ZNRF1: variants seen among roughly 807,000 people sequenced by gnomAD.
The protein encoded by ZNRF1 is E3 ubiquitin-protein ligase ZNRF1.
In ZNRF1, 3 loss-of-function variants were observed where a neutral mutation model predicts 18.4. That is an observed-to-expected ratio of 0.16 (90% confidence interval 0.07 to 0.42). The LOEUF is 0.42. Ranked by LOEUF, ZNRF1 falls within the 10% of genes least tolerant of loss-of-function variation. The pLI is 0.99. For synonymous variants in ZNRF1, 157 were observed against 144.2 expected (o/e 1.09, Z -0.64); for missense variants, 310 against 329.8 (o/e 0.94, Z 0.47).
chr16:75,054,219 C>G (rs1406190189), intron 1 of ZNRF1, among the ~76,000 whole-genome samples: 1 of 152,172 alleles, frequency 6.6e-6, no homozygotes, highest in Non-Finnish European at 1.5e-5. Context: ...GTGGGAAGGA[C>G]CTTAACTGTG....
In ZNRF1 at chr16:75,015,324, G is replaced by A. The variant is rs1287318674; in HGVS notation, c.424+15229G>A. Among the ~76,000 whole-genome samples the A allele has an allele frequency of 2.6e-5, 4 of 152,180 alleles. No homozygotes were observed. The South Asian group carries it at 6.2e-4, about 24-fold the overall frequency. On this transcript the variant is annotated intron_variant, in intron 1 of 4. Coordinates refer to ENST00000335325, the MANE Select transcript of ZNRF1 (RefSeq NM_032268.5). ...TAAAAAAAAGGTTTATTGGCCGGGC[G>A]AGGTAGCTCATGCCTGTAATCCCAG... is the stretch of plus-strand genomic sequence containing the variant.
At chr16:75,098,556 A>G (rs534918446) in intron 2 of ZNRF1, among the ~76,000 whole-genome samples, 7 of 152,230 alleles carry the variant, frequency 4.6e-5, no homozygotes, top group Non-Finnish European at 1.0e-4. Flanking sequence ...AAGGCCTGGC[A>G]TGGGTGGCAC....
chr16:75,107,391 T>A (rs2145433967), intron 4 of ZNRF1: 1 of 208,880 alleles, frequency 4.8e-6, no homozygotes, highest in Admixed American at 5.3e-5. Flanking sequence ...CCTCCCTTTC[T>A]CTCTCTCTTG....
chr16:75,093,667 G>A lies in ZNRF1; in HGVS notation c.520G>A (p.Asp174Asn). 2 of 1,613,246 alleles carry A rather than the reference G, an allele frequency of 1.2e-6. No individual in the cohort carries two copies. The highest frequency in any genetic ancestry group is 1.7e-6 in the Non-Finnish European group (2 of 1,179,298). The change falls in exon 2 of 5, where the codon GAT becomes AAT. Residue 174 changes from aspartate to asparagine, a missense_variant and splice_region_variant. This residue lies in a region of ZNRF1 where 293 missense variants were observed against 291.2 expected (regional missense o/e 1.01). Coordinates refer to ENST00000335325, the MANE Select transcript of ZNRF1 (RefSeq NM_032268.5). Reference sequence around the variant, plus strand: ...GAGCAAACCTCGCCTCTCCTACAACGGTAAGGGCTTGGCCTGCCTCACCAG... The same window carrying A: ...GAGCAAACCTCGCCTCTCCTACAACAGTAAGGGCTTGGCCTGCCTCACCAG... The part of the protein sequence containing the change: ...CLSKPRLSYN[D>N]DVLTKDAGEC...
At chr16:75,090,584 G>A (rs1015622158) in intron 1 of ZNRF1, among the ~76,000 whole-genome samples, 6 of 152,084 alleles carry the variant, frequency 3.9e-5, no homozygotes, top group Admixed American at 1.3e-4. Context: ...GCCCTTTCCC[G>A]AAGCTCCACC....
chr16:75,096,538 C>G (rs147481874), intron 2 of ZNRF1, among the ~76,000 whole-genome samples: 2 of 152,106 alleles, frequency 1.3e-5, no homozygotes, highest in Non-Finnish European at 2.9e-5. Context: ...GGTGTGAGTT[C>G]TTGGAATCTT....
At chr16:75,023,609 G>A (rs1305052485) in intron 1 of ZNRF1, among the ~76,000 whole-genome samples, 1 of 151,970 alleles carries the variant, frequency 6.6e-6, no homozygotes, top group East Asian at 1.9e-4. Flanking sequence ...TCTTGAACCC[G>A]GGAGGTGGAG....
intron 1 of ZNRF1, among the ~76,000 whole-genome samples, chr16:75,083,622 G>A (rs12102802): frequency 0.02 from 3,013 of 152,272 alleles, 84 homozygotes; most frequent in African/African-American, 0.061. Flanking sequence ...AAAATGACAA[G>A]TGCCTAGATT....
chr16:75,014,044 C>T (rs997656241), intron 1 of ZNRF1, among the ~76,000 whole-genome samples: 14 of 151,694 alleles, frequency 9.2e-5, no homozygotes, highest in South Asian at 2.1e-4. Flanking sequence ...TTGGCCAGGC[C>T]GGTCTTGAAC....
chr16:75,071,909 A>G (rs2035875240), intron 1 of ZNRF1, among the ~76,000 whole-genome samples: 1 of 151,856 alleles, frequency 6.6e-6, no homozygotes, highest in African/African-American at 2.4e-5. Context: ...TCCTGCACCT[A>G]GGGTACCCCT....
intron 1 of ZNRF1, among the ~76,000 whole-genome samples, chr16:75,054,863 C>T (rs1160708543): frequency 3.3e-5 from 5 of 152,216 alleles, no homozygotes; most frequent in Non-Finnish European, 7.3e-5. Flanking sequence ...CATCCCAGCC[C>T]TTCTTGTCTC....
At chr16:75,072,283 T>C (rs897318405) in intron 1 of ZNRF1, among the ~76,000 whole-genome samples, 1 of 152,160 alleles carries the variant, frequency 6.6e-6, no homozygotes, top group African/African-American at 2.4e-5. Flanking sequence ...GCTTATCTTT[T>C]AGTCTCAGCC....
At chr16:75,093,815 G>T in intron 2 of ZNRF1, 148 bp downstream of exon 2, 1 of 628,550 alleles carries the variant, frequency 1.6e-6, no homozygotes, top group Non-Finnish European at 2.9e-6. Flanking sequence ...TGAGGAAGTG[G>T]ACTGTTCTGG....
intron 1 of ZNRF1, among the ~76,000 whole-genome samples, chr16:75,070,576 C>T (rs767868290): frequency 3.3e-4 from 50 of 152,134 alleles, no homozygotes; most frequent in Non-Finnish European, 6.2e-4. Flanking sequence ...CAAAGGAGTG[C>T]TTATATTACA....
intron 1 of ZNRF1, among the ~76,000 whole-genome samples, chr16:75,014,862 TTTTA>T (rs1201307852): frequency 5.9e-5 from 9 of 152,016 alleles, no homozygotes; most frequent in Non-Finnish European, 8.8e-5. Flanking sequence ...AATATTGTGA[TTTTA>T]TTTGTTATTT....
chr16:75,086,763 G>A (rs1320779690), intron 1 of ZNRF1, among the ~76,000 whole-genome samples: 6 of 152,186 alleles, frequency 3.9e-5, no homozygotes, highest in African/African-American at 1.4e-4. Flanking sequence ...AAGTCAAGGG[G>A]CACGCGCTCT....
intron 2 of ZNRF1, among the ~76,000 whole-genome samples, chr16:75,100,768 T>C (rs1439630826): frequency 6.6e-6 from 1 of 152,224 alleles, no homozygotes; most frequent in Non-Finnish European, 1.5e-5. Context: ...CTATAGCCCA[T>C]ACGCTCATGT....
chr16:75,010,810 A>G (rs1379537054), intron 1 of ZNRF1, among the ~76,000 whole-genome samples: 2 of 144,914 alleles, frequency 1.4e-5, no homozygotes, highest in African/African-American at 5.1e-5. Flanking sequence ...TCCTGGGCTC[A>G]AGCAATTCTC....
intron 1 of ZNRF1, among the ~76,000 whole-genome samples, chr16:75,060,369 G>T (rs1460643798): frequency 6.6e-6 from 1 of 151,518 alleles, no homozygotes; most frequent in Non-Finnish European, 1.5e-5. Flanking sequence ...TCTAAGTTAG[G>T]GTAGTCCCAC....
Sources: allele counts gnomAD v4.1 joint callset (sites outside exome capture counted in the v4.1 genomes callset), GRCh38; gene constraint gnomAD v4.1.1; regional missense constraint gnomAD v4.1.1; transcripts MANE v1.5; gene names NCBI Gene and HGNC (gene_info 2026-07-23, HGNC 2026-07-21).